The following TRMT2A variants were observed in gnomAD, a reference collection of about 807,000 sequenced individuals.
TRMT2A encodes tRNA methyltransferase 2A.
In TRMT2A, 60 loss-of-function variants were observed where a neutral mutation model predicts 59.3. That is an observed-to-expected ratio of 1.01 (90% CI 0.82 to 1.26). The LOEUF is 1.26. TRMT2A is among the 50% of genes most tolerant of loss of function. TRMT2A has a pLI of 0.00. For missense variants in TRMT2A, 863 were observed against 845.2 expected, an observed-to-expected ratio of 1.02 and a Z score of -0.26; for synonymous variants, 403 against 353.7, an observed-to-expected ratio of 1.14 and a Z score of -1.56.
chr22:20,115,994 G>C, intron 2 of TRMT2A, 44 bp downstream of exon 2: 2 of 1,517,750 alleles, frequency 1.3e-6, no homozygotes, highest in South Asian at 2.6e-5. Flanking sequence ...AGCACAGGCC[G>C]GGCAGAGCCC....
At chr22:20,113,854 G>T in intron 7 of TRMT2A, 46 bp from the exon 8 acceptor site, 2 of 1,508,082 alleles carry the variant, frequency 1.3e-6, no homozygotes, top group Non-Finnish European at 1.8e-6. Flanking sequence ...CTCTCCTGTG[G>T]TGCCACTGGT....
At chr22:20,113,393 GCCCCCATCCCCA>G in intron 9 of TRMT2A, 27 bp downstream of exon 9, 1 of 1,556,256 alleles carries the variant, frequency 6.4e-7, no homozygotes, top group Non-Finnish European at 8.8e-7. Context: ...GGTGGCGGCT[GCCCCCATCCCCA>G]CCCCCACCCA....
At chr22:20,113,400 T>TA in intron 9 of TRMT2A, 32 bp downstream of exon 9, 37 of 1,049,392 alleles carry the variant, frequency 3.5e-5, no homozygotes, top group Non-Finnish European at 5.2e-5. Flanking sequence ...GCTGCCCCCA[T>TA]CCCCACCCCC....
intron 1 of TRMT2A, 57 bp downstream of exon 1, chr22:20,116,823 ACCC>A: frequency 7.7e-7 from 1 of 1,294,018 alleles, no homozygotes; most frequent in East Asian, 2.6e-5. Flanking sequence ...AGGTTTCCTG[ACCC>A]ACCCCGCCTC....
At position 20,116,183 on chromosome 22, in the gene TRMT2A, C is replaced by T. The variant is rs1602522499; in HGVS notation, c.454G>A (p.Ala152Thr). The T allele has an allele frequency of 6.2e-7, 1 of 1,613,102 alleles. No homozygotes were observed. The highest frequency in any genetic ancestry group is 8.5e-7 in the Non-Finnish European group (1 of 1,179,956). The change falls in exon 2 of 12, where the codon GCC becomes ACC. Residue 152 changes from alanine (A) to threonine (T), a missense_variant. Coordinates refer to ENST00000252136, the MANE Select transcript of TRMT2A (RefSeq NM_022727.6). ...RLARPKADPM[A>T]RRRRQEGESE... is the part of the protein sequence containing the mutation. ...TCACCCTCCTGTCGCCTCCTCCTGGCCATGGGGTCGGCCTTGGGCCGGGCC... is the reference window on the plus strand; with the variant it reads ...TCACCCTCCTGTCGCCTCCTCCTGGTCATGGGGTCGGCCTTGGGCCGGGCC...
chr22:20,112,553 G>T lies in TRMT2A; in HGVS notation c.*10C>A. 1 of 1,612,224 alleles carries T rather than the reference G, an allele frequency of 6.2e-7. No individual in the cohort carries two copies. The highest frequency in any genetic ancestry group is 8.5e-7 in the Non-Finnish European group (1 of 1,179,016). On this transcript the variant is annotated 3_prime_UTR_variant, in exon 12 of 12. Transcript: ENST00000252136. Reference sequence around the variant, plus strand: ...CCCTTCAGCTCCTGTCCCCATAATGGGTCCTGGGCCTAGGATGAGGGGAAG... The same window carrying T: ...CCCTTCAGCTCCTGTCCCCATAATGTGTCCTGGGCCTAGGATGAGGGGAAG...
At chr22:20,116,716 A>C (rs1602525528) in intron 1 of TRMT2A, 104 bp from the exon 2 acceptor site, 1 of 1,435,262 alleles carries the variant, frequency 7.0e-7, no homozygotes, top group Non-Finnish European at 9.4e-7. Flanking sequence ...TGCACTCTGC[A>C]CTCAGCCCTG....
intron 1 of TRMT2A, 75 bp from the exon 2 acceptor site, chr22:20,116,687 A>C: frequency 6.7e-7 from 1 of 1,483,344 alleles, no homozygotes; most frequent in Non-Finnish European, 9.0e-7. Context: ...TCCTTATGGG[A>C]CACCCAGACC....
In TRMT2A at chr22:20,115,683, A is replaced by ATG; in HGVS notation, c.695_696dup (p.Ser233HisfsTer58). On this transcript the variant is annotated frameshift_variant, in exon 3 of 12. Coordinates refer to ENST00000252136, the MANE Select transcript of TRMT2A (RefSeq NM_022727.6). LOFTEE classifies it high-confidence loss of function. ...AAGTCTAGTCTGACCTGCTGGGGTG[A>ATG]TGGCCTGACCCCCTCCAGCGGGCAG... 1 of 1,612,926 alleles carries ATG rather than the reference A, an allele frequency of 6.2e-7. No homozygotes were observed. The highest frequency in any genetic ancestry group is 1.1e-5 in the South Asian group (1 of 91,090).
chr22:20,113,624 C>A, intron 8 of TRMT2A, 62 bp downstream of exon 8: 1 of 1,597,808 alleles, frequency 6.3e-7, no homozygotes, highest in Non-Finnish European at 8.5e-7. Context: ...TGACTTTGAG[C>A]TGGGGTCAAT....
intron 1 of TRMT2A, 54 bp from the exon 2 acceptor site, chr22:20,116,666 C>T (rs1409614141): frequency 6.0e-6 from 9 of 1,499,506 alleles, no homozygotes; most frequent in African/African-American, 1.4e-5. Flanking sequence ...GGGGGCCTGG[C>T]CCCCCAAGCT....
rs151231041 is a variant in TRMT2A at position 20,112,993 on chromosome 22, G to A, written c.1564C>T (p.Leu522=). 3.1e-6 allele frequency: 5 copies of A among 1,613,746 alleles called. No individual in the cohort carries two copies. The highest frequency in any genetic ancestry group is 4.5e-5 in the East Asian group (2 of 44,888). ...PRAGLHSKVI[L]AIRRAKNLRR... is the part of the protein sequence containing the mutation. ...AGGTTCTTAGCTCTCCGGATGGCCA[G>A]GATCACCTTGGAATCTGAGGAGGCA... The change falls in exon 11 of 12, where the codon CTG becomes TTG. Residue 522 remains leucine, a synonymous_variant. Coordinates refer to ENST00000252136, the MANE Select transcript of TRMT2A (RefSeq NM_022727.6).
At chr22:20,115,153 C>A (rs981803912) in intron 4 of TRMT2A, 74 bp from the exon 5 acceptor site, 1 of 1,564,778 alleles carries the variant, frequency 6.4e-7, no homozygotes, top group Non-Finnish European at 8.7e-7. Flanking sequence ...TCTGGCCACA[C>A]CTTCCTTCAT....
chr22:20,114,856 C>T lies in TRMT2A; in HGVS notation c.1026G>A (p.Leu342=), dbSNP rs1232726505. 1.3e-6 allele frequency: 2 copies of T among 1,599,762 alleles called. No homozygotes were observed. The highest frequency in any genetic ancestry group is 1.7e-6 in the Non-Finnish European group (2 of 1,174,592). The change falls in exon 6 of 12, where the codon CTG becomes CTA. Residue 342 remains leucine (L), a synonymous_variant. Coordinates refer to ENST00000252136, the MANE Select transcript of TRMT2A (RefSeq NM_022727.6). ...FHPQKLSPEE[L]AELKTSLAQH... is the part of the protein sequence containing the mutation. ...GCGCTAGGGAGGTCTTCAGCTCTGC[C>T]AGCTCCTCAGGGCTCAGCTTCTGGA... is the stretch of plus-strand genomic sequence containing the variant.
In TRMT2A at chr22:20,113,142, G is replaced by C. The variant is rs1028220850; in HGVS notation, c.1525C>G (p.Leu509Val). 2 of 1,602,412 alleles carry C rather than the reference G, an allele frequency of 1.2e-6. No individual in the cohort carries two copies. Among genetic ancestry groups the C allele is most frequent in the Non-Finnish European group, 1.7e-6 (2 of 1,173,472 alleles). Reference protein sequence around the residue: ...RLASQHLVAILDPPRAGLHSK... With the variant: ...RLASQHLVAIVDPPRAGLHSK... ...CGCAAGCCAGCACGGGGTGGGTCCA[G>C]GATGGCCACGAGGTGCTGGGAGGCC... The change falls in exon 10 of 12, where the codon CTG becomes GTG. Residue 509 changes from leucine (L) to valine (V), a missense_variant. Leu to Val is a conservative substitution (Grantham distance 32). Coordinates refer to ENST00000252136, the MANE Select transcript of TRMT2A (RefSeq NM_022727.6).
rs778470667 is a variant in TRMT2A, at chr22:20,112,962, C to T, written c.1595G>A (p.Arg532Gln). 1.8e-5 allele frequency: 29 copies of T among 1,613,714 alleles called. No individual in the cohort carries two copies. The highest frequency in any genetic ancestry group is 5.3e-5 in the African/African-American group (4 of 74,920). ...GGGGTTGCATGAGACGTACAGCAGC[C>T]GCCTGAGGTTCTTAGCTCTCCGGAT... ...LAIRRAKNLR[R>Q]LLYVSCNPRA... The change falls in exon 11 of 12, where the codon CGG (arginine) becomes CAG (glutamine). Residue 532 changes from arginine (R) to glutamine (Q), a missense_variant. Transcript: ENST00000252136.
At position 20,117,075 on chromosome 22, in the gene TRMT2A, C is replaced by A; in HGVS notation, c.-169G>T. 1 of 880,212 alleles carries A rather than the reference C, an allele frequency of 1.1e-6. No homozygotes were observed. Among genetic ancestry groups the A allele is most frequent in the Non-Finnish European group, 1.7e-6 (1 of 575,850 alleles). 54.5% of individuals were successfully genotyped at this position (880,212 alleles called of 1,614,324 possible). A position where few individuals can be genotyped will look rare whatever the true frequency, so the allele number is the denominator to read the frequency against. ...GGTCGCCGCCACCCCCGGCTTCGCC[C>A]CAGGCGGGGCGGGACTCGAACCTGC... is the stretch of plus-strand genomic sequence containing the variant. On this transcript the variant is annotated 5_prime_UTR_variant, in exon 1 of 12. Transcript: ENST00000252136.
In TRMT2A at chr22:20,112,604, C is replaced by A; in HGVS notation, c.1837G>T (p.Asp613Tyr). The A allele has an allele frequency of 6.2e-7, 1 of 1,614,076 alleles. No homozygotes were observed. Among genetic ancestry groups the A allele is most frequent in the Non-Finnish European group, 8.5e-7 (1 of 1,180,028 alleles). The change falls in exon 12 of 12, where the codon GAT becomes TAT. Residue 613 changes from aspartate (D) to tyrosine (Y), a missense_variant. Physicochemically the swap from Asp to Tyr is radical, Grantham distance 160. Coordinates refer to ENST00000252136, the MANE Select transcript of TRMT2A (RefSeq NM_022727.6). ...GTCCCAGTTTCTTGTAGGGTGTTATCTGGGGGTCCTGGTGTGGGTTGAGCT... is the reference window on the plus strand; with the variant it reads ...GTCCCAGTTTCTTGTAGGGTGTTATATGGGGGTCCTGGTGTGGGTTGAGCT... ...PPAQPTPGPPDNTLQETGTFP... is the reference protein window; with the variant it reads ...PPAQPTPGPPYNTLQETGTFP...
rs1323692104 is a variant in TRMT2A, at chr22:20,114,637, G to C, written c.1170C>G (p.Asp390Glu). ...CTAGCAGGTCCTCGTGGATGCACCG[G>C]TCCCCAGCCACATGCTCCAGGGGCA... Reference protein sequence around the residue: ...EGLPLEHVAGDRCIHEDLLGL... With the variant: ...EGLPLEHVAGERCIHEDLLGL... The change falls in exon 7 of 12, where the codon GAC becomes GAG. Residue 390 changes from aspartate to glutamate, a missense_variant. Transcript: ENST00000252136. 6.2e-7 allele frequency: 1 copy of C among 1,613,704 alleles called. No homozygotes were observed. The highest frequency in any genetic ancestry group is 8.5e-7 in the Non-Finnish European group (1 of 1,180,032).
Sources: gnomAD v4.1 joint callset for allele counts on GRCh38, gnomAD v4.1.1 for gene constraint, MANE v1.5 for transcripts, NCBI Gene and HGNC (gene_info 2026-07-23, HGNC 2026-07-21) for gene names.